The following STX10 variants were observed in gnomAD, a reference collection of about 807,000 sequenced individuals.
The protein encoded by STX10 is syntaxin 10.
STX10 carries 35 observed loss-of-function variants against 34.1 expected under a neutral mutation model. The observed-to-expected ratio is 1.03, with a 90% CI of 0.78 to 1.36. The LOEUF is 1.36. Among genes scored for constraint, STX10 ranks in the 40% most tolerant of loss-of-function variants. STX10 has a pLI of 0.00. For missense variants in STX10, 361 were observed against 335.5 expected (o/e 1.08, Z -0.59); for synonymous variants, 155 against 132.9 (o/e 1.17, Z -1.15).
chr19:13,149,150 G>A, intron 3 of STX10, 59 bp from the exon 4 acceptor site: 12 of 1,463,052 alleles, frequency 8.2e-6, no homozygotes, highest in Non-Finnish European at 9.4e-6. Flanking sequence ...GGTGGCTCAC[G>A]CCTGTAATCC....
At position 13,149,511 on chromosome 19, in the gene STX10, T is replaced by A; in HGVS notation, c.288A>T (p.Arg96=). The change falls in exon 3 of 8, where the codon CGA becomes CGT. Residue 96 remains arginine, a synonymous_variant. Transcript: ENST00000587230. ...GACCTTTCCTGACCTGGACTGCCTCTCGCATCCGCTCCACGAACACCTTTC... is the reference window on the plus strand; with the variant it reads ...GACCTTTCCTGACCTGGACTGCCTCACGCATCCGCTCCACGAACACCTTTC... ...QERKVFVERM[R]EAVQEMKDHM... is the part of the protein sequence containing the mutation. 1 of 1,612,024 alleles carries A rather than the reference T, an allele frequency of 6.2e-7. No homozygotes were observed. The highest frequency in any genetic ancestry group is 8.5e-7 in the Non-Finnish European group (1 of 1,179,266).
chr19:13,144,449 C>G lies in STX10; in HGVS notation c.711G>C (p.Gly237=), dbSNP rs763538428. Residue 237 remains glycine, a synonymous_variant, in exon 8 of 8, where the codon GGG becomes GGC. Coordinates refer to ENST00000587230, the MANE Select transcript of STX10 (RefSeq NM_003765.3). ...RQWCAIAVLV[G]VLLLVLILLF... is the part of the protein sequence containing the mutation. ...GTAAGATGAGAACGAGGAGAAGCACCCCCACTAGCACGGCGATGGCACACC... is the reference window on the plus strand; with the variant it reads ...GTAAGATGAGAACGAGGAGAAGCACGCCCACTAGCACGGCGATGGCACACC... The G allele has an allele frequency of 3.7e-5, 59 of 1,612,884 alleles. No individual in the cohort carries two copies. Among genetic ancestry groups the G allele is most frequent in the Non-Finnish European group, 5.0e-5 (59 of 1,179,702 alleles).
Position 13,145,301 on chromosome 19 carries a change from T to C in STX10, c.458A>G (p.Gln153Arg). Reference sequence around the variant, plus strand: ...TGGCCCCAAAACCTGCTGTGTGGCCTGCTGCTCCTCGATGTAGCGAGATGT... The same window carrying C: ...TGGCCCCAAAACCTGCTGTGTGGCCCGCTGCTCCTCGATGTAGCGAGATGT... The part of the protein sequence containing the change: ...SATSRYIEEQ[Q>R]ATQQLIMDEQ... Residue 153 changes from glutamine to arginine, a missense_variant, in exon 5 of 8, where the codon CAG becomes CGG. Physicochemically the swap from Gln to Arg is conservative, Grantham distance 43. Coordinates refer to ENST00000587230, the MANE Select transcript of STX10 (RefSeq NM_003765.3). 6.2e-7 allele frequency: 1 copy of C among 1,611,136 alleles called. No individual in the cohort carries two copies.
chr19:13,149,363 G>C, intron 3 of STX10, 136 bp downstream of exon 3: 2 of 772,568 alleles, frequency 2.6e-6, no homozygotes, highest in Non-Finnish European at 4.0e-6. Context: ...AGTGAGCCGA[G>C]ATTGCAACAC....
rs1179280199 is a variant in STX10, at chr19:13,149,577, G to A, written c.222C>T (p.Asn74=). 4.3e-6 allele frequency: 7 copies of A among 1,614,074 alleles called. No individual in the cohort carries two copies. Among genetic ancestry groups the A allele is most frequent in the Non-Finnish European group, 5.9e-6 (7 of 1,180,012 alleles). ...CGGCTGGGAGCTTGAACTTGCCTGG[G>A]TTGGCTTCCACTATACGTGGGCTGA... ...LEETIGIVEA[N]PGKFKLPAGD... The change falls in exon 3 of 8, where the codon AAC becomes AAT. Residue 74 remains asparagine, a synonymous_variant. Coordinates refer to ENST00000587230, the MANE Select transcript of STX10 (RefSeq NM_003765.3).
intron 4 of STX10, among the ~76,000 whole-genome samples, chr19:13,146,515 G>C (rs183075363): frequency 1.1e-4 from 17 of 151,790 alleles, no homozygotes; most frequent in African/African-American, 4.1e-4. Context: ...GATTACAGGC[G>C]TGAGCTACCA....
intron 6 of STX10, 24 bp downstream of exon 6, chr19:13,144,740 C>G: frequency 6.2e-7 from 1 of 1,612,982 alleles, no homozygotes. Context: ...AGCCCCTGGC[C>G]CACCCCCAGG....
intron 3 of STX10, 100 bp downstream of exon 3, chr19:13,149,399 G>C: frequency 1.0e-6 from 1 of 972,826 alleles, no homozygotes; most frequent in South Asian, 1.7e-5. Context: ...GCGACAGAGC[G>C]AGGCTCTGTC....
Position 13,145,291 on chromosome 19 carries a change from CTG to C in STX10, c.466_467del (p.Gln156AlafsTer6). ...TCCACCCCGCTGGCCCCAAAACCTG[CTG>C]TGTGGCCTGCTGCTCCTCGATGTAG... ...SRYIEEQQATQQLIMDEQDQQ... is the reference protein window; with the variant it reads ...SRYIEEQQATXQLIMDEQDQQ... On this transcript the variant is annotated frameshift_variant, in exon 5 of 8. Transcript: ENST00000587230. LOFTEE classifies it high-confidence loss of function. 1 of 1,610,372 alleles carries C rather than the reference CTG, an allele frequency of 6.2e-7. No homozygotes were observed. Among genetic ancestry groups the C allele is most frequent in the East Asian group, 2.2e-5 (1 of 44,888 alleles).
At chr19:13,148,388 A>G (rs1207094839) in intron 4 of STX10, among the ~76,000 whole-genome samples, 3 of 151,688 alleles carry the variant, frequency 2.0e-5, no homozygotes, top group Non-Finnish European at 4.4e-5. Flanking sequence ...CTATAATCCC[A>G]GCTACTCGGG....
Position 13,150,189 on chromosome 19 carries a change from C to G in STX10, c.-16G>C, listed in dbSNP as rs201782292. On this transcript the variant is annotated 5_prime_UTR_variant, in exon 1 of 8. Transcript: ENST00000587230. The surrounding 1 kb of genome is among the most constrained non-coding windows in gnomAD (Gnocchi z 4.0). ...CGAGAGACATGTCAGTCCCTTCCCC[C>G]CCAGGCCGAACCCCCCTCCCGGCCT... is the stretch of plus-strand genomic sequence containing the variant. 2.1e-5 allele frequency: 21 copies of G among 1,021,110 alleles called. No homozygotes were observed. Among genetic ancestry groups the G allele is most frequent in the Middle Eastern group, 2.0e-4 (1 of 4,960 alleles). 63.3% of individuals were successfully genotyped at this position (1,021,110 alleles called of 1,614,324 possible).
rs371673152 is a variant in STX10, at chr19:13,149,501, G to T, written c.298C>A (p.Gln100Lys). 5.0e-6 allele frequency: 8 copies of T among 1,613,048 alleles called. No individual in the cohort carries two copies. The highest frequency in any genetic ancestry group is 1.7e-5 in the Admixed American group (1 of 59,922). Residue 100 changes from glutamine (Q) to lysine (K), a missense_variant and splice_region_variant, in exon 3 of 8, where the codon CAG becomes AAG. By Grantham distance (53) the Gln-to-Lys change is moderately conservative (BLOSUM62 1). Coordinates refer to ENST00000587230, the MANE Select transcript of STX10 (RefSeq NM_003765.3). ...VFVERMREAV[Q>K]EMKDHMVSPT... is the part of the protein sequence containing the mutation. ...CCGCCTGCAGGACCTTTCCTGACCTGGACTGCCTCTCGCATCCGCTCCACG... is the reference window on the plus strand; with the variant it reads ...CCGCCTGCAGGACCTTTCCTGACCTTGACTGCCTCTCGCATCCGCTCCACG...
chr19:13,149,450 A>AC, intron 3 of STX10, 49 bp downstream of exon 3: 1 of 1,461,180 alleles, frequency 6.8e-7, no homozygotes, highest in Non-Finnish European at 9.3e-7. Context: ...AAGAAAAAAA[A>AC]ACACACTCAA....
Position 13,150,191 on chromosome 19 carries a change from C to T in STX10, c.-18G>A, listed in dbSNP as rs187045567. 1.0e-6 allele frequency: 1 copy of T among 985,930 alleles called. No individual in the cohort carries two copies. The highest frequency in any genetic ancestry group is 1.6e-6 in the Non-Finnish European group (1 of 626,534). The allele number at this position is 985,930 out of a possible 1,614,324, so 61.1% of individuals were successfully genotyped here. ...AGAGACATGTCAGTCCCTTCCCCCC[C>T]AGGCCGAACCCCCCTCCCGGCCTGG... On this transcript the variant is annotated 5_prime_UTR_variant, in exon 1 of 8. Transcript: ENST00000587230. The surrounding 1 kb of genome is among the most constrained non-coding windows in gnomAD (Gnocchi z 4.0).
intron 4 of STX10, among the ~76,000 whole-genome samples, chr19:13,148,088 A>G (rs888048032): frequency 2.7e-5 from 4 of 145,882 alleles, no homozygotes; most frequent in African/African-American, 1.0e-4. Context: ...AAAAAAAAAA[A>G]GGAAGTTATG....
In STX10 at chr19:13,144,562, CCT is replaced by C. The variant is rs1568390202; in HGVS notation, c.673+13_673+14del. 2.5e-6 allele frequency: 4 copies of C among 1,614,108 alleles called. No individual in the cohort carries two copies. The South Asian group carries it at 4.4e-5, about 18-fold the overall frequency. ...TGCCCCCACCAGGACTGACCCCTCC[CCT>C]GAGGGGACTCACCACTCGTCATGTG... On this transcript the variant is annotated intron_variant, in intron 7 of 7. Coordinates refer to ENST00000587230, the MANE Select transcript of STX10 (RefSeq NM_003765.3).
chr19:13,145,297 G>A lies in STX10; in HGVS notation c.462C>T (p.Ala154=), dbSNP rs758788272. 1 of 1,610,810 alleles carries A rather than the reference G, an allele frequency of 6.2e-7. No homozygotes were observed. Among genetic ancestry groups the A allele is most frequent in the South Asian group, 1.1e-5 (1 of 91,084 alleles). The change falls in exon 5 of 8, where the codon GCC becomes GCT. Residue 154 remains alanine (A), a synonymous_variant. Transcript: ENST00000587230. ...ATSRYIEEQQ[A]TQQLIMDEQD... ...CCGCTGGCCCCAAAACCTGCTGTGT[G>A]GCCTGCTGCTCCTCGATGTAGCGAG...
In STX10 at chr19:13,150,021, TC is replaced by T; in HGVS notation, c.35+117del. On this transcript the variant is annotated intron_variant, in intron 1 of 7. Coordinates refer to ENST00000587230, the MANE Select transcript of STX10 (RefSeq NM_003765.3). The surrounding 1 kb of genome is among the most constrained non-coding windows in gnomAD (Gnocchi z 4.0). ...ACCCCTATATACCCCTGCGTGCGCC[TC>T]CCACTCTGCACCCCGACGGCCTTGC... The T allele has an allele frequency of 1.5e-6, 2 of 1,356,494 alleles. No individual in the cohort carries two copies. Among genetic ancestry groups the T allele is most frequent in the Non-Finnish European group, 2.1e-6 (2 of 973,738 alleles). 84.0% of individuals were successfully genotyped at this position (1,356,494 alleles called of 1,614,324 possible).
chr19:13,145,521 C>T (rs1366369406), intron 4 of STX10, 126 bp from the exon 5 acceptor site: 2 of 706,128 alleles, frequency 2.8e-6, no homozygotes, highest in Non-Finnish European at 4.7e-6. Context: ...ATTCCCCACT[C>T]ACCACTTACT....
Sources: gnomAD v4.1 joint callset for allele counts (sites outside exome capture counted in the v4.1 genomes callset) on GRCh38, gnomAD v4.1.1 for gene constraint, Gnocchi (gnomAD v3.1) non-coding constraint, MANE v1.5 for transcripts, NCBI Gene and HGNC (gene_info 2026-07-23, HGNC 2026-07-21) for gene names.